Variants in NELL2 observed in about 807,000 individuals in gnomAD.
The protein encoded by NELL2 is protein kinase C-binding protein NELL2.
Under a neutral mutation model 109.6 loss-of-function variants are expected in NELL2, and 41 were observed. The ratio of observed to expected loss-of-function variants is 0.37; its 90% CI spans 0.29 to 0.49. NELL2 has a LOEUF of 0.49. Among genes scored for constraint, NELL2 ranks in the 20% least tolerant of loss-of-function variants. NELL2 has a pLI of 0.98. For synonymous variants in NELL2, 355 were observed against 344.7 expected (o/e 1.03, Z -0.33); for missense variants, 900 against 1,008.3 (o/e 0.89, Z 1.45).
chr12:44,531,547 G>T (rs1001572877), intron 16 of NELL2, among the ~76,000 whole-genome samples: 3 of 152,074 alleles, frequency 2.0e-5, no homozygotes, highest in African/African-American at 7.3e-5. Context: ...TGGAAATCCT[G>T]ATGAAAACTC....
intron 3 of NELL2, among the ~76,000 whole-genome samples, chr12:44,786,865 G>A (rs1215507620): frequency 2.6e-5 from 4 of 151,968 alleles, no homozygotes; most frequent in South Asian, 2.1e-4. Flanking sequence ...ATCACGTACC[G>A]GGGCCTGTCA....
chr12:44,779,897 G>A lies in NELL2; in HGVS notation c.461C>T (p.Ser154Phe). The change falls in exon 4 of 20, where the codon TCC becomes TTC. Residue 154 changes from serine to phenylalanine, a missense_variant. Around this residue, in one of 4 missense-constraint regions of NELL2, gnomAD observed 200 missense variants for 191.8 expected, o/e 1.04. Coordinates refer to ENST00000429094, the MANE Select transcript of NELL2 (RefSeq NM_001145108.2). ...CAAATGGGAAGCACTGATGGCTAAG[G>A]AGAGCTTGTGCCACTTGTCATCAGC... ...ILADDKWHKL[S>F]LAISASHLIL... is the part of the protein sequence containing the mutation. The A allele has an allele frequency of 6.2e-7, 1 of 1,613,922 alleles. No individual in the cohort carries two copies. The highest frequency in any genetic ancestry group is 8.5e-7 in the Non-Finnish European group (1 of 1,179,832).
chr12:44,887,761 A>G lies in NELL2; in HGVS notation c.39-11861T>C, dbSNP rs563078473. Among the ~76,000 whole-genome samples the G allele has an allele frequency of 4.0e-5, 6 of 151,122 alleles. No individual in the cohort carries two copies. In the East Asian group the frequency reaches 1.2e-3, roughly 29 times the overall value. On this transcript the variant is annotated intron_variant, in intron 1 of 20. Coordinates refer to the NELL2 transcript ENST00000333837. ...CTTGTCAGGTGGGTACTTTGCAAATATTTTCTCCCACTTTGTGGGTTGTCT... is the reference window on the plus strand; with the variant it reads ...CTTGTCAGGTGGGTACTTTGCAAATGTTTTCTCCCACTTTGTGGGTTGTCT...
At chr12:44,919,657 A>G (rs1428409129) in intron 1 of NELL2, among the ~76,000 whole-genome samples, 1 of 152,158 alleles carries the variant, frequency 6.6e-6, no homozygotes, top group East Asian at 1.9e-4. Context: ...AAGACAAGGA[A>G]TGCCAAAGAT....
At chr12:44,857,678 T>C (rs1944722863) in intron 2 of NELL2, among the ~76,000 whole-genome samples, 1 of 152,224 alleles carries the variant, frequency 6.6e-6, no homozygotes, top group South Asian at 2.1e-4. Flanking sequence ...ATTGTGCTTG[T>C]AAAGTAATTA....
chr12:44,867,992 T>G (rs937317088), intron 2 of NELL2, among the ~76,000 whole-genome samples: 1 of 151,400 alleles, frequency 6.6e-6, no homozygotes, highest in Non-Finnish European at 1.5e-5. Context: ...TAGTGACGGG[T>G]GCCTGTAATC....
intron 15 of NELL2, among the ~76,000 whole-genome samples, chr12:44,554,720 T>C (rs1943176660): frequency 6.6e-6 from 1 of 152,244 alleles, no homozygotes; most frequent in South Asian, 2.1e-4. Flanking sequence ...AATGATTTAC[T>C]GGTGTATGAC....
chr12:44,914,836 G>A (rs1945815260), upstream of NELL2, among the ~76,000 whole-genome samples: 2 of 150,808 alleles, frequency 1.3e-5, no homozygotes, highest in Admixed American at 6.7e-5. Context: ...AAAGAGGCTG[G>A]ATTCAGTAAA....
intron 2 of NELL2, among the ~76,000 whole-genome samples, chr12:44,822,353 C>T (rs920921974): frequency 2.0e-5 from 3 of 152,198 alleles, no homozygotes; most frequent in African/African-American, 7.2e-5. Context: ...TCTGAGCTTA[C>T]TTTCATTCTA....
chr12:44,875,741 C>G, intron 1 of NELL2, 74 bp downstream of exon 1: 4 of 1,610,506 alleles, frequency 2.5e-6, no homozygotes, highest in Non-Finnish European at 2.5e-6. Context: ...AAAAGCGAGG[C>G]TTCCCCAGCC....
intron 1 of NELL2, among the ~76,000 whole-genome samples, chr12:44,898,042 C>T (rs917504779): frequency 2.0e-5 from 3 of 152,132 alleles, no homozygotes; most frequent in Admixed American, 1.3e-4. Context: ...CTGCAAAGCC[C>T]CTGTAGCCAG....
At chr12:44,738,997 C>T (rs576812447) in intron 9 of NELL2, among the ~76,000 whole-genome samples, 18 of 152,236 alleles carry the variant, frequency 1.2e-4, no homozygotes, top group African/African-American at 4.1e-4. Context: ...GGCTTTGAGG[C>T]TTTATCCCTC....
chr12:44,837,313 C>G (rs867473634), intron 2 of NELL2, among the ~76,000 whole-genome samples: 3 of 152,164 alleles, frequency 2.0e-5, no homozygotes, highest in Admixed American at 1.3e-4. Flanking sequence ...GTGTATATCA[C>G]GTGATGTTTA....
At chr12:44,905,617 G>A (rs1227607612) in intron 1 of NELL2, among the ~76,000 whole-genome samples, 3 of 152,138 alleles carry the variant, frequency 2.0e-5, no homozygotes, top group South Asian at 2.1e-4. Context: ...TCCAAGCACT[G>A]AGGGATCCTT....
rs576900827 is a variant in NELL2, at chr12:44,738,405, C to T, written c.995-23664G>A. Among the ~76,000 whole-genome samples the T allele has an allele frequency of 5.9e-5, 9 of 151,866 alleles. No homozygotes were observed. In the East Asian group the frequency reaches 1.5e-3, roughly 26 times the overall value. On this transcript the variant is annotated intron_variant, in intron 9 of 19. Coordinates refer to ENST00000429094, the MANE Select transcript of NELL2 (RefSeq NM_001145108.2). ...CAAGATACAGAAACATGGAAACAAC[C>T]TAAGTGTCTGTTGACAGATAATTGG...
chr12:44,841,061 T>A (rs184427860), intron 2 of NELL2, among the ~76,000 whole-genome samples: 1 of 152,206 alleles, frequency 6.6e-6, no homozygotes, highest in Non-Finnish European at 1.5e-5. Context: ...AATAATTTTA[T>A]AAAAATTCAA....
intron 12 of NELL2, among the ~76,000 whole-genome samples, chr12:44,694,489 A>T (rs1316083564): frequency 2.0e-5 from 3 of 150,296 alleles, no homozygotes; most frequent in Non-Finnish European, 4.4e-5. Context: ...AATAAATCTC[A>T]CATATGTATA....
At chr12:44,644,379 G>A (rs1031810530) in intron 13 of NELL2, among the ~76,000 whole-genome samples, 19 of 151,634 alleles carry the variant, frequency 1.3e-4, no homozygotes, top group African/African-American at 4.6e-4. Flanking sequence ...AGAGAACCAT[G>A]GCAACCACCT....
intron 1 of NELL2, among the ~76,000 whole-genome samples, chr12:44,900,564 C>G (rs899769153): frequency 2.6e-5 from 4 of 151,902 alleles, no homozygotes; most frequent in African/African-American, 9.7e-5. Context: ...TTGAAACCAA[C>G]GAGAATGAAG....
Sources: allele counts gnomAD v4.1 joint callset (sites outside exome capture counted in the v4.1 genomes callset), GRCh38; gene constraint gnomAD v4.1.1; regional missense constraint gnomAD v4.1.1; transcripts MANE v1.5; gene names NCBI Gene and HGNC (gene_info 2026-07-23, HGNC 2026-07-21).